The following PTPRN2 variants were observed in gnomAD, a reference collection of about 807,000 sequenced individuals.
PTPRN2 encodes protein tyrosine phosphatase receptor type N2.
Under a neutral mutation model 118.8 loss-of-function variants are expected in PTPRN2, and 74 were observed. The observed-to-expected ratio is 0.62, with a 90% confidence interval of 0.52 to 0.76. The LOEUF is 0.76. Among genes scored for constraint, PTPRN2 ranks in the 30% least tolerant of loss-of-function variants. The probability of loss-of-function intolerance (pLI) is 0.00; values close to 1 mark genes in which losing one functional copy is unlikely to be tolerated. For missense variants in PTPRN2, 1,481 were observed against 1,394.4 expected (o/e 1.06, Z -0.99); for synonymous variants, 641 against 608.0 (o/e 1.05, Z -0.80).
intron 11 of PTPRN2, among the ~76,000 whole-genome samples, chr7:158,016,208 G>C (rs117670848): frequency 2.0e-5 from 3 of 152,338 alleles, no homozygotes; most frequent in Non-Finnish European, 4.4e-5. Context: ...AGGTGGGGAG[G>C]ATGGGCAGGG....
At chr7:157,969,692 A>G (rs776459145) in intron 11 of PTPRN2, among the ~76,000 whole-genome samples, 1 of 152,010 alleles carries the variant, frequency 6.6e-6, no homozygotes, top group African/African-American at 2.4e-5. Flanking sequence ...TGGTGGGAGC[A>G]GAAACCTTGG....
chr7:157,644,754 C>T (rs1229580349), intron 14 of PTPRN2, among the ~76,000 whole-genome samples: 1 of 151,464 alleles, frequency 6.6e-6, no homozygotes, highest in East Asian at 1.9e-4. Context: ...GAGATCACAC[C>T]ATTGCACTCC....
chr7:158,215,137 A>T (rs1048933786), intron 3 of PTPRN2, among the ~76,000 whole-genome samples: 1 of 152,256 alleles, frequency 6.6e-6, no homozygotes, highest in Admixed American at 6.5e-5. Context: ...CTTGAAACAA[A>T]TGAAAAAGTA....
intron 2 of PTPRN2, among the ~76,000 whole-genome samples, chr7:158,324,973 T>C (rs1803367844): frequency 6.6e-6 from 1 of 152,028 alleles, no homozygotes; most frequent in Non-Finnish European, 1.5e-5. Flanking sequence ...AGACGCTAAC[T>C]GTGCATCTGC....
At chr7:158,462,858 C>T (rs1621037) in intron 2 of PTPRN2, among the ~76,000 whole-genome samples, 105,038 of 152,140 alleles carry the variant, frequency 0.69, 36,507 homozygotes, top group Admixed American at 0.78. Context: ...GGCAAATCCA[C>T]ACACAGCTCA....
At chr7:158,311,175 C>T (rs1022578459) in intron 3 of PTPRN2, among the ~76,000 whole-genome samples, 4 of 152,244 alleles carry the variant, frequency 2.6e-5, no homozygotes, top group Non-Finnish European at 5.9e-5. Context: ...CCAGCAGCAG[C>T]TCCCCGGATG....
chr7:158,335,299 AGGCCCACAGAGGACACTCACAC>A, intron 2 of PTPRN2, among the ~76,000 whole-genome samples: 1 of 13,626 alleles, frequency 7.3e-5, no homozygotes, highest in Non-Finnish European at 2.5e-4. Context: ...ATAAGAGCTG[AGGCCCACAGAGGACACTCACAC>A]CCATACTCTC....
chr7:157,857,810 A>T (rs2151221195), intron 12 of PTPRN2: 2 of 152,548 alleles, frequency 1.3e-5, no homozygotes, highest in South Asian at 4.1e-4. Flanking sequence ...TTTGAGAAAC[A>T]GATGTGAGCA....
At chr7:158,249,922 A>T (rs571471040) in intron 3 of PTPRN2, among the ~76,000 whole-genome samples, 1 of 152,250 alleles carries the variant, frequency 6.6e-6, no homozygotes, top group Admixed American at 6.5e-5. Context: ...TGTGTCATAA[A>T]TGCATCTGAG....
chr7:158,206,965 C>T (rs1178638075), intron 3 of PTPRN2, among the ~76,000 whole-genome samples: 2 of 115,054 alleles, frequency 1.7e-5, no homozygotes, highest in African/African-American at 6.6e-5. Flanking sequence ...CCCCTCCCCC[C>T]ACCCCACAAC....
At position 158,083,785 on chromosome 7, in the gene PTPRN2, G is replaced by A. The variant is rs1011721874; in HGVS notation, c.1644-2408C>T. ...CCGTCAGGCCCAGCGAGACCCAGGT[G>A]CCTGCGGTCACGGTGCACTGAGCCC... On this transcript the variant is annotated intron_variant, in intron 10 of 22. Coordinates refer to ENST00000389418, the MANE Select transcript of PTPRN2 (RefSeq NM_002847.5). Among the ~76,000 whole-genome samples, 182 of 152,260 alleles carry A rather than the reference G, an allele frequency of 1.2e-3. 3 individuals are homozygous for A. Among genetic ancestry groups the A allele is most frequent in the Non-Finnish European group, 2.2e-4 (15 of 68,016 alleles).
At chr7:157,755,430 T>G (rs1041388998) in intron 12 of PTPRN2, among the ~76,000 whole-genome samples, 1 of 152,190 alleles carries the variant, frequency 6.6e-6, no homozygotes, top group Admixed American at 6.5e-5. Context: ...ATCGAACTTC[T>G]AGGGCAGGTT....
intron 9 of PTPRN2, among the ~76,000 whole-genome samples, chr7:158,111,205 G>A (rs534757435): frequency 6.6e-6 from 1 of 152,130 alleles, no homozygotes; most frequent in Non-Finnish European, 1.5e-5. Context: ...AGAAGGGACA[G>A]GCAGGTGCGG....
At chr7:158,019,393 T>C (rs1004241082) in intron 11 of PTPRN2, among the ~76,000 whole-genome samples, 1 of 152,240 alleles carries the variant, frequency 6.6e-6, no homozygotes, top group Non-Finnish European at 1.5e-5. Context: ...GGCCGTGGTG[T>C]TTCTGACGCC....
intron 13 of PTPRN2, among the ~76,000 whole-genome samples, chr7:157,670,462 C>T (rs1383308625): frequency 2.0e-5 from 3 of 152,208 alleles, no homozygotes; most frequent in Admixed American, 6.5e-5. Flanking sequence ...TGAGCATCTT[C>T]TCTCTGGAAC....
chr7:158,310,585 AGCCACTGG>A (rs1801626136), intron 3 of PTPRN2, among the ~76,000 whole-genome samples: 1 of 152,204 alleles, frequency 6.6e-6, no homozygotes, highest in South Asian at 2.1e-4. Flanking sequence ...GGGTGGAAGG[AGCCACTGG>A]GCCTGCTCGG....
chr7:158,145,455 G>A (rs1007622037), intron 6 of PTPRN2, among the ~76,000 whole-genome samples: 17 of 152,208 alleles, frequency 1.1e-4, no homozygotes, highest in African/African-American at 2.4e-4. Context: ...TACTTGTATC[G>A]ACAGAGAGCA....
intron 2 of PTPRN2, among the ~76,000 whole-genome samples, chr7:158,415,364 T>G (rs1216121936): frequency 6.6e-6 from 1 of 152,176 alleles, no homozygotes; most frequent in African/African-American, 2.4e-5. Flanking sequence ...CTGCCTGGGT[T>G]TGGAAGGGTC....
chr7:158,194,639 T>A (rs117249141), intron 4 of PTPRN2, among the ~76,000 whole-genome samples: 1 of 152,306 alleles, frequency 6.6e-6, no homozygotes, highest in East Asian at 1.9e-4. Flanking sequence ...TCTGCTTCTC[T>A]CAGGCCAGGG....
Sources: gnomAD v4.1 joint callset for allele counts (sites outside exome capture counted in the v4.1 genomes callset) on GRCh38, gnomAD v4.1.1 for gene constraint, MANE v1.5 for transcripts, NCBI Gene and HGNC (gene_info 2026-07-23, HGNC 2026-07-21) for gene names.